Variants in RIMS1 observed in about 807,000 individuals in gnomAD.
RIMS1 encodes regulating synaptic membrane exocytosis protein 1.
Under a neutral mutation model 214.1 loss-of-function variants are expected in RIMS1, and 83 were observed. The observed-to-expected ratio is 0.39, with a 90% CI of 0.32 to 0.47. The LOEUF is 0.47. Ranked by LOEUF, RIMS1 falls within the 20% of genes least tolerant of loss-of-function variation. The pLI, the probability that RIMS1 is intolerant of heterozygous loss-of-function variation, is 0.99. For missense variants in RIMS1, 2,050 were observed against 2,161.8 expected (o/e 0.95, Z 1.03); for synonymous variants, 793 against 786.8 (o/e 1.01, Z -0.13).
intron 2 of RIMS1, among the ~76,000 whole-genome samples, chr6:72,032,400 C>T (rs934700212): frequency 6.6e-6 from 1 of 152,098 alleles, no homozygotes; most frequent in African/African-American, 2.4e-5. Context: ...TCACATTATA[C>T]TGATATATAT....
intron 4 of RIMS1, among the ~76,000 whole-genome samples, chr6:72,168,105 A>G (rs1393260949): frequency 2.0e-5 from 3 of 152,174 alleles, no homozygotes; most frequent in African/African-American, 2.4e-5. Flanking sequence ...TACAATGGGG[A>G]TAGACATGAG....
intron 16 of RIMS1, among the ~76,000 whole-genome samples, chr6:72,257,775 A>G (rs566395953): frequency 8.7e-4 from 132 of 152,306 alleles, no homozygotes; most frequent in African/African-American, 3.1e-3. Flanking sequence ...TATATTAACT[A>G]TAGTTTCATG....
intron 11 of RIMS1, 70 bp from the exon 12 acceptor site, chr6:72,247,945 T>A (rs1490032730): frequency 2.1e-6 from 2 of 950,220 alleles, no homozygotes; most frequent in Non-Finnish European, 3.4e-6. Flanking sequence ...AAATAAAGGA[T>A]GCATTTAACA....
intron 4 of RIMS1, among the ~76,000 whole-genome samples, chr6:72,145,806 A>G (rs926043591): frequency 3.3e-5 from 5 of 152,122 alleles, no homozygotes; most frequent in Admixed American, 6.5e-5. Context: ...ACAACAACAA[A>G]CAAAAAACAG....
Position 72,260,819 on chromosome 6 carries a change from T to C in RIMS1, c.3116+52T>C, listed in dbSNP as rs777974850. ...ACTGTGTGTGATGACTCTCTTTCCA[T>C]TCTATTATTCTTCCGTCTCTCCCTT... On this transcript the variant is annotated intron_variant, in intron 19 of 33. Transcript: ENST00000521978. 1.1e-5 allele frequency: 18 copies of C among 1,598,632 alleles called. No homozygotes were observed. In the South Asian group the frequency reaches 1.6e-4, roughly 14 times the overall value.
chr6:71,939,818 G>A (rs1785508707), intron 1 of RIMS1, among the ~76,000 whole-genome samples: 1 of 152,152 alleles, frequency 6.6e-6, no homozygotes, highest in South Asian at 2.1e-4. Context: ...AGTTTTGGAG[G>A]AGACATTCAA....
intron 10 of RIMS1, among the ~76,000 whole-genome samples, chr6:72,244,488 T>C (rs11970043): frequency 8.4e-4 from 127 of 151,992 alleles, no homozygotes; most frequent in African/African-American, 2.6e-3. Context: ...GATTTCATAA[T>C]GGACTATGAG....
At chr6:72,290,059 A>G in intron 24 of RIMS1, among the ~76,000 whole-genome samples, 1 of 152,196 alleles carries the variant, frequency 6.6e-6, no homozygotes, top group Non-Finnish European at 1.5e-5. Flanking sequence ...GTTTTTATCC[A>G]TATTTCAGCC....
intron 2 of RIMS1, among the ~76,000 whole-genome samples, chr6:72,065,554 A>G (rs368031493): frequency 6.6e-6 from 1 of 152,216 alleles, no homozygotes; most frequent in African/African-American, 2.4e-5. Context: ...AATTCTAAGT[A>G]CATGTAAAAA....
intron 1 of RIMS1, among the ~76,000 whole-genome samples, chr6:71,966,337 TTTA>T (rs557018332): frequency 7.0e-4 from 106 of 152,316 alleles, no homozygotes; most frequent in African/African-American, 2.1e-3. Flanking sequence ...TATTAATGTG[TTTA>T]TTTTTATTAT....
rs191170079 is a variant in RIMS1, at chr6:71,964,149, T to C, written c.165-4834T>C. ...GTAGGAACCATCAAAAACTCGACAA[T>C]TGAGCAAAGACTTTAAAGAAGTAAG... On this transcript the variant is annotated intron_variant, in intron 1 of 33. Transcript: ENST00000521978. Among the ~76,000 whole-genome samples, 203 of 152,206 alleles carry C rather than the reference T, an allele frequency of 1.3e-3. 1 individual carries two copies. The highest frequency in any genetic ancestry group is 4.5e-3 in the African/African-American group (188 of 41,518).
chr6:72,013,961 A>G (rs1223505382), intron 2 of RIMS1, among the ~76,000 whole-genome samples: 1 of 152,190 alleles, frequency 6.6e-6, no homozygotes, highest in Non-Finnish European at 1.5e-5. Context: ...TAGACATGTC[A>G]CATAAATGGA....
chr6:72,155,052 A>G lies in RIMS1; in HGVS notation c.472-24523A>G, dbSNP rs1346438982. On this transcript the variant is annotated intron_variant, in intron 4 of 33. Coordinates refer to ENST00000521978, the MANE Select transcript of RIMS1 (RefSeq NM_014989.7). ...CTTAACCCTCTCATGGGCACCCCAA[A>G]TGTGTCCCCAAGAATCTTGCTGCTG... Among the ~76,000 whole-genome samples the G allele has an allele frequency of 1.4e-5, 2 of 139,486 alleles. 1 individual carries two copies. Among genetic ancestry groups the G allele is most frequent in the East Asian group, 4.1e-4 (2 of 4,904 alleles). 91.5% of individuals were successfully genotyped at this position (139,486 alleles called of 152,430 possible).
chr6:72,043,682 G>T (rs576319641), intron 2 of RIMS1, among the ~76,000 whole-genome samples: 21 of 134,158 alleles, frequency 1.6e-4, no homozygotes, highest in African/African-American at 5.7e-4. Context: ...CTATTAACTA[G>T]ACTTTTTTCC....
intron 8 of RIMS1, among the ~76,000 whole-genome samples, chr6:72,236,746 A>ACG (rs2064232990): frequency 6.6e-6 from 1 of 150,732 alleles, no homozygotes; most frequent in Admixed American, 6.6e-5. Context: ...CTTGGGTCAC[A>ACG]CTTAAAGTAC....
rs2073259007 is a variant in RIMS1, at chr6:72,251,437, T to A, written c.2698+69T>A. 4 of 1,220,240 alleles carry A rather than the reference T, an allele frequency of 3.3e-6. No homozygotes were observed. The South Asian group carries it at 5.5e-5, about 17-fold the overall frequency. 75.6% of individuals were successfully genotyped at this position (1,220,240 alleles called of 1,614,324 possible). On this transcript the variant is annotated intron_variant, in intron 15 of 33. Transcript: ENST00000521978. ...AATGATCTAATTAGTGATTAATAAT[T>A]CAAGATGTTTTTTTTAAATGTTTTA... is the stretch of plus-strand genomic sequence containing the variant.
At chr6:72,072,641 A>C (rs1038494360) in intron 2 of RIMS1, among the ~76,000 whole-genome samples, 1 of 152,234 alleles carries the variant, frequency 6.6e-6, no homozygotes, top group African/African-American at 2.4e-5. Context: ...TTGGGAAACC[A>C]CAATGCAAAG....
chr6:72,317,712 T>C (rs1283992439), intron 28 of RIMS1, among the ~76,000 whole-genome samples: 4 of 152,174 alleles, frequency 2.6e-5, no homozygotes, highest in Admixed American at 1.3e-4. Context: ...TTGTGATGCA[T>C]ATGAAAATCT....
chr6:72,221,808 G>T (rs1286476303), intron 6 of RIMS1, among the ~76,000 whole-genome samples: 1 of 151,744 alleles, frequency 6.6e-6, no homozygotes, highest in Non-Finnish European at 1.5e-5. Context: ...ACTATAATTT[G>T]GTATTTCTCA....
Sources: allele counts gnomAD v4.1 joint callset (sites outside exome capture counted in the v4.1 genomes callset), GRCh38; gene constraint gnomAD v4.1.1; transcripts MANE v1.5; gene names NCBI Gene and HGNC (gene_info 2026-07-23, HGNC 2026-07-21).